HDAC8: variants seen among roughly 807,000 people sequenced by gnomAD.
HDAC8 encodes histone deacetylase 8.
Under a neutral mutation model 32.2 loss-of-function variants are expected in HDAC8, and 1 was observed. That is an observed-to-expected ratio of 0.03 (90% CI 0.01 to 0.15). The LOEUF is 0.15. Ranked by LOEUF, HDAC8 falls within the 10% of genes least tolerant of loss-of-function variation. The pLI is 1.00. For missense variants in HDAC8, 117 were observed against 300.0 expected (o/e 0.39, Z 4.51); for synonymous variants, 108 against 113.9 (o/e 0.95, Z 0.33).
chrX:72,474,017 A>T, intron 7 of HDAC8: 2 of 620,944 alleles, frequency 3.2e-6, no homozygotes, highest in Non-Finnish European at 3.9e-6. Context: ...CCCAACTTTG[A>T]TCTTGCTGTA....
intron 4 of HDAC8, among the ~76,000 whole-genome samples, chrX:72,561,534 C>T (rs373639500): frequency 3.3e-4 from 37 of 112,193 alleles, no homozygotes; most frequent in Middle Eastern, 9.2e-3. Flanking sequence ...AAAATCAACT[C>T]GAGATGGATC....
At chrX:72,498,090 A>G (rs1051823746) in intron 4 of HDAC8, among the ~76,000 whole-genome samples, 4 of 109,380 alleles carry the variant, frequency 3.7e-5, no homozygotes, top group African/African-American at 1.3e-4. Context: ...GTTGATTTAC[A>G]ATATTTCCAA....
chrX:72,433,067 A>G (rs1555977985), intron 9 of HDAC8, among the ~76,000 whole-genome samples: 1 of 112,030 alleles, frequency 8.9e-6, no homozygotes, highest in African/African-American at 3.2e-5. Flanking sequence ...AAAAGGATAT[A>G]CTTCAAGAAA....
Position 72,425,735 on chromosome X carries a change from T to A in HDAC8, c.1005+36269A>T, listed in dbSNP as rs142235822. On this transcript the variant is annotated intron_variant, in intron 9 of 10. Transcript: ENST00000373573. Reference sequence around the variant, plus strand: ...GAGTCTGATGTCTTTCAGTTGCAGGTCAACCTCTGCTGCTTCATTTCCCCC... The same window carrying A: ...GAGTCTGATGTCTTTCAGTTGCAGGACAACCTCTGCTGCTTCATTTCCCCC... Among the ~76,000 whole-genome samples the A allele has an allele frequency of 5.2e-4, 58 of 111,741 alleles. 3 individuals are homozygous for A. In the East Asian group the frequency reaches 7.9e-3, roughly 15 times the overall value.
chrX:72,377,324 A>C (rs782490001), intron 9 of HDAC8, among the ~76,000 whole-genome samples: 1 of 112,279 alleles, frequency 8.9e-6, no homozygotes, highest in South Asian at 3.7e-4. Context: ...CAATCCTTTT[A>C]AATTTACTGA....
chrX:72,357,927 C>T (rs782778349), intron 9 of HDAC8, among the ~76,000 whole-genome samples: 5 of 109,768 alleles, frequency 4.6e-5, no homozygotes, highest in South Asian at 4.0e-4. Context: ...TTTTTTTAGA[C>T]GGAGTCTCGC....
At chrX:72,377,985 C>T (rs1443401712) in intron 9 of HDAC8, among the ~76,000 whole-genome samples, 3 of 108,529 alleles carry the variant, frequency 2.8e-5, no homozygotes, top group African/African-American at 1.0e-4. Flanking sequence ...GTATTATATA[C>T]ATGTATAAAT....
intron 9 of HDAC8, among the ~76,000 whole-genome samples, chrX:72,398,026 C>T (rs1763278843): frequency 8.9e-6 from 1 of 111,861 alleles, no homozygotes; most frequent in Non-Finnish European, 1.9e-5. Flanking sequence ...TAGATAATGC[C>T]AAATTGTTTC....
intron 4 of HDAC8, among the ~76,000 whole-genome samples, chrX:72,530,961 A>G: frequency 8.9e-6 from 1 of 112,276 alleles, no homozygotes; most frequent in Non-Finnish European, 1.9e-5. Context: ...CGTGAAGGTG[A>G]CAATTAAGCC....
chrX:72,508,488 C>T (rs1253995504), intron 4 of HDAC8, among the ~76,000 whole-genome samples: 9 of 112,262 alleles, frequency 8.0e-5, no homozygotes, highest in African/African-American at 2.9e-4. Flanking sequence ...TTTTTAAAAC[C>T]ACTTTATTAA....
intron 4 of HDAC8, among the ~76,000 whole-genome samples, chrX:72,508,302 G>T (rs1556020064): frequency 8.9e-6 from 1 of 111,784 alleles, no homozygotes; most frequent in African/African-American, 3.3e-5. Flanking sequence ...ATTACCCTGT[G>T]CCAGGAACTG....
At chrX:72,441,318 G>A (rs1045550016) in intron 9 of HDAC8, among the ~76,000 whole-genome samples, 9 of 111,860 alleles carry the variant, frequency 8.0e-5, no homozygotes, top group African/African-American at 9.8e-5. Flanking sequence ...TCACACGGCC[G>A]GGTACTCCTC....
intron 2 of HDAC8, among the ~76,000 whole-genome samples, chrX:72,571,086 G>A (rs1048937338): frequency 9.0e-5 from 10 of 111,136 alleles, no homozygotes; most frequent in African/African-American, 2.9e-4. Context: ...CACCACGCCC[G>A]GCTAATTTTT....
At chrX:72,517,145 T>C (rs188599873) in intron 4 of HDAC8, among the ~76,000 whole-genome samples, 70 of 112,347 alleles carry the variant, frequency 6.2e-4, no homozygotes, top group African/African-American at 2.0e-3. Flanking sequence ...TGGCATCTCA[T>C]TGTGGTTTTA....
chrX:72,477,249 A>G (rs1025336729), intron 7 of HDAC8, among the ~76,000 whole-genome samples: 15 of 111,643 alleles, frequency 1.3e-4, no homozygotes, highest in African/African-American at 4.6e-4. Flanking sequence ...GCTTGTGCTT[A>G]TGCTCTCTGC....
At chrX:72,562,617 T>C (rs369412859) in intron 4 of HDAC8, among the ~76,000 whole-genome samples, 1 of 110,019 alleles carries the variant, frequency 9.1e-6, no homozygotes, top group Non-Finnish European at 1.9e-5. Context: ...AGCTCAGAAA[T>C]CACTACTAAA....
intron 9 of HDAC8, 119 bp downstream of exon 9, chrX:72,461,885 T>A (rs1420988490): frequency 1.0e-5 from 5 of 491,752 alleles, no homozygotes; most frequent in Non-Finnish European, 1.4e-5. Flanking sequence ...CAGTGTGTTA[T>A]TGTTATTGAA....
intron 4 of HDAC8, among the ~76,000 whole-genome samples, chrX:72,556,965 C>T (rs782785504): frequency 1.6e-4 from 18 of 111,807 alleles, no homozygotes; most frequent in African/African-American, 5.5e-4. Context: ...GCCTGTAATC[C>T]CAGCGCTTTG....
chrX:72,370,847 T>C (rs2044853656), intron 9 of HDAC8, among the ~76,000 whole-genome samples: 1 of 112,038 alleles, frequency 8.9e-6, no homozygotes, highest in Non-Finnish European at 1.9e-5. Flanking sequence ...CACATTTTTC[T>C]GCCTGCTTAT....
Sources: allele counts gnomAD v4.1 joint callset (sites outside exome capture counted in the v4.1 genomes callset), GRCh38; gene constraint gnomAD v4.1.1; transcripts MANE v1.5; gene names NCBI Gene and HGNC (gene_info 2026-07-23, HGNC 2026-07-21).